PRICKLE1: variants seen among roughly 807,000 people sequenced by gnomAD.
PRICKLE1 encodes the protein prickle-like protein 1.
PRICKLE1 carries 14 observed loss-of-function variants against 70.2 expected under a neutral mutation model. The ratio of observed to expected loss-of-function variants is 0.20; its 90% CI spans 0.13 to 0.31. The LOEUF (loss-of-function observed/expected upper bound fraction) is 0.31, where lower values mean the gene tolerates loss of function less well. Ranked by LOEUF, PRICKLE1 falls within the 10% of genes least tolerant of loss-of-function variation. PRICKLE1 has a pLI of 1.00. For missense variants in PRICKLE1, 821 were observed against 1,026.2 expected (o/e 0.80, Z 2.73); for synonymous variants, 357 against 379.9 (o/e 0.94, Z 0.70).
At chr12:42,518,344 G>T (rs1175822386) in intron 1 of PRICKLE1, among the ~76,000 whole-genome samples, 2 of 152,172 alleles carry the variant, frequency 1.3e-5, no homozygotes, top group East Asian at 3.9e-4. Context: ...ACAACCGGCT[G>T]AGGATGGATG....
intron 1 of PRICKLE1, among the ~76,000 whole-genome samples, chr12:42,534,319 A>C (rs1449885122): frequency 6.6e-6 from 1 of 152,096 alleles, no homozygotes; most frequent in South Asian, 2.1e-4. Flanking sequence ...AGGTGCGGGT[A>C]CTGGTCCAGG....
At chr12:42,579,611 T>C (rs1339923311) in intron 1 of PRICKLE1, among the ~76,000 whole-genome samples, 1 of 152,156 alleles carries the variant, frequency 6.6e-6, no homozygotes, top group Non-Finnish European at 1.5e-5. Context: ...GAGACCCTGA[T>C]GATTTGATTT....
rs1205342917 is a variant in PRICKLE1 at position 42,567,268 on chromosome 12, C to T, written c.-49+22197G>A. ...AGCAGGATACTCTTTTCAATGATCT[C>T]TAATATTCCCCAAAAGTCTACACTG... is the stretch of plus-strand genomic sequence containing the variant. On this transcript the variant is annotated intron_variant, in intron 1 of 7. Transcript: ENST00000345127. Among the ~76,000 whole-genome samples the T allele has an allele frequency of 5.3e-5, 8 of 152,102 alleles. No individual in the cohort carries two copies. The East Asian group carries it at 1.5e-3, about 29-fold the overall frequency.
chr12:42,513,544 CAT>C (rs1422509136), intron 1 of PRICKLE1, among the ~76,000 whole-genome samples: 2 of 151,626 alleles, frequency 1.3e-5, no homozygotes, highest in Non-Finnish European at 2.9e-5. Flanking sequence ...GCCTGGGCAA[CAT>C]AGCAAGATGC....
chr12:42,549,598 C>T (rs766094533), intron 1 of PRICKLE1, among the ~76,000 whole-genome samples: 2 of 152,124 alleles, frequency 1.3e-5, no homozygotes, highest in African/African-American at 2.4e-5. Context: ...CCAACAATTG[C>T]CTAAACCCAA....
intron 2 of PRICKLE1, 83 bp from the exon 3 acceptor site, chr12:42,470,442 T>C: frequency 2.1e-6 from 2 of 973,092 alleles, no homozygotes; most frequent in Non-Finnish European, 3.3e-6. Context: ...TACCTTTCCC[T>C]AGGTACAGGG....
At chr12:42,544,847 T>C (rs1940178597) in intron 1 of PRICKLE1, among the ~76,000 whole-genome samples, 1 of 152,192 alleles carries the variant, frequency 6.6e-6, no homozygotes, top group Non-Finnish European at 1.5e-5. Flanking sequence ...CATTTCAAAA[T>C]AATATGTAGA....
intron 1 of PRICKLE1, among the ~76,000 whole-genome samples, chr12:42,526,078 G>A (rs1939794109): frequency 6.6e-6 from 1 of 152,194 alleles, no homozygotes; most frequent in Non-Finnish European, 1.5e-5. Flanking sequence ...AAATGCTAAT[G>A]TATTCATTGT....
chr12:42,564,794 G>A (rs1434407969), intron 1 of PRICKLE1, among the ~76,000 whole-genome samples: 2 of 152,128 alleles, frequency 1.3e-5, no homozygotes, highest in South Asian at 4.1e-4. Flanking sequence ...AGTCCTAGTA[G>A]AATGTAAACA....
At chr12:42,462,111 T>C (rs1229560655) in intron 7 of PRICKLE1, among the ~76,000 whole-genome samples, 1 of 152,216 alleles carries the variant, frequency 6.6e-6, no homozygotes, top group Non-Finnish European at 1.5e-5. Flanking sequence ...TATAACTTCA[T>C]ACTTTTTAAA....
intron 1 of PRICKLE1, among the ~76,000 whole-genome samples, chr12:42,522,657 A>ATC (rs1371858118): frequency 2.0e-5 from 3 of 152,204 alleles, no homozygotes; most frequent in Non-Finnish European, 4.4e-5. Context: ...TTTCCTTAGT[A>ATC]TCCTATGTGG....
chr12:42,573,029 T>A (rs964374943), intron 1 of PRICKLE1, among the ~76,000 whole-genome samples: 4 of 152,158 alleles, frequency 2.6e-5, no homozygotes, highest in Non-Finnish European at 2.9e-5. Flanking sequence ...AATTTTTTTT[T>A]AAATCAGTTA....
intron 4 of PRICKLE1, 130 bp from the exon 5 acceptor site, chr12:42,468,959 A>C (rs757657584): frequency 2.9e-4 from 247 of 852,228 alleles, no homozygotes; most frequent in Non-Finnish European, 4.0e-4. Context: ...TTAGTGATTA[A>C]ATAGCTCTTT....
At chr12:42,523,416 A>AGAG (rs1335917007) in intron 1 of PRICKLE1, among the ~76,000 whole-genome samples, 3 of 152,254 alleles carry the variant, frequency 2.0e-5, no homozygotes, top group Admixed American at 2.0e-4. Flanking sequence ...CTTTTCACAA[A>AGAG]GAGGCCATCT....
chr12:42,524,427 T>A (rs1410282867), intron 1 of PRICKLE1, among the ~76,000 whole-genome samples: 1 of 152,188 alleles, frequency 6.6e-6, no homozygotes, highest in Non-Finnish European at 1.5e-5. Context: ...TTTTATTTTA[T>A]TTTTGAGATG....
intron 4 of PRICKLE1, 52 bp from the exon 5 acceptor site, chr12:42,468,881 T>C (rs1465299085): frequency 1.3e-6 from 2 of 1,537,872 alleles, no homozygotes; most frequent in Non-Finnish European, 1.8e-6. Context: ...AAGACAGGAT[T>C]CTCAGGCTTT....
intron 1 of PRICKLE1, among the ~76,000 whole-genome samples, chr12:42,485,109 C>T (rs568466274): frequency 2.6e-5 from 4 of 151,918 alleles, no homozygotes; most frequent in East Asian, 1.9e-4. Context: ...CTACAGTATA[C>T]ACGTGAACAA....
chr12:42,465,546 A>G (rs897232549), intron 6 of PRICKLE1: 2 of 408,068 alleles, frequency 4.9e-6, no homozygotes, highest in African/African-American at 2.0e-5. Flanking sequence ...GATCCAGGAG[A>G]TGCTCAGCTT....
chr12:42,547,919 C>A (rs961506418), intron 1 of PRICKLE1, among the ~76,000 whole-genome samples: 5 of 152,266 alleles, frequency 3.3e-5, no homozygotes, highest in African/African-American at 1.2e-4. Flanking sequence ...ATATCACGAA[C>A]ATGGAACCCA....
Sources: allele counts gnomAD v4.1 joint callset (sites outside exome capture counted in the v4.1 genomes callset), GRCh38; gene constraint gnomAD v4.1.1; transcripts MANE v1.5; gene names NCBI Gene and HGNC (gene_info 2026-07-23, HGNC 2026-07-21).